Variants in SMARCA5 observed in about 807,000 individuals in gnomAD.
The protein encoded by SMARCA5 is SNF2 related chromatin remodeling ATPase 5.
SMARCA5 carries 18 observed loss-of-function variants against 140.4 expected under a neutral mutation model. The observed-to-expected ratio is 0.13, with a 90% CI of 0.09 to 0.19. The LOEUF (loss-of-function observed/expected upper bound fraction) is 0.19. SMARCA5 is among the 10% of genes least tolerant of loss of function. SMARCA5 has a pLI of 1.00. For missense variants in SMARCA5, 606 were observed against 1,276.8 expected, an observed-to-expected ratio of 0.47 and a Z score of 8.01; for synonymous variants, 449 against 419.6, an observed-to-expected ratio of 1.07 and a Z score of -0.86.
chr4:143,540,871 C>G (rs1019170157), intron 14 of SMARCA5, among the ~76,000 whole-genome samples: 1 of 152,088 alleles, frequency 6.6e-6, no homozygotes, highest in African/African-American at 2.4e-5. Context: ...ACTAACTACT[C>G]TTGATTACTG....
intron 3 of SMARCA5, 34 bp downstream of exon 3, chr4:143,521,629 A>G: frequency 6.5e-7 from 1 of 1,549,500 alleles, no homozygotes; most frequent in Non-Finnish European, 8.8e-7. Context: ...AGTTCAACCA[A>G]ACTTATTTTC....
chr4:143,554,400 T>C lies in SMARCA5; in HGVS notation c.*1216T>C, dbSNP rs1267270606. 2.0e-5 allele frequency: 3 copies of C among 152,210 alleles called. No homozygotes were observed. The highest frequency in any genetic ancestry group is 1.3e-4 in the Admixed American group (2 of 15,282). 9.4% of individuals were successfully genotyped at this position (152,210 alleles called of 1,614,324 possible). On this transcript the variant is annotated 3_prime_UTR_variant, in exon 24 of 24. Coordinates refer to ENST00000283131, the MANE Select transcript of SMARCA5 (RefSeq NM_003601.4). ...GGTCTTTTCTTTCCATTTCTTTAATTGTTTTCTCAATTTTTATTCACTTTT... is the reference window on the plus strand; with the variant it reads ...GGTCTTTTCTTTCCATTTCTTTAATCGTTTTCTCAATTTTTATTCACTTTT...
chr4:143,545,803 A>G, intron 18 of SMARCA5, 122 bp from the exon 19 acceptor site: 1 of 965,614 alleles, frequency 1.0e-6, no homozygotes, highest in East Asian at 2.4e-5. Flanking sequence ...AACATAATAC[A>G]TGCAATGTAT....
intron 1 of SMARCA5, among the ~76,000 whole-genome samples, chr4:143,516,205 ATTTTTTTT>A (rs60061501): frequency 8.0e-6 from 1 of 124,414 alleles, no homozygotes; most frequent in Non-Finnish European, 1.7e-5. Flanking sequence ...GCATTCATGA[ATTTTTTTT>A]TTTTTTTTTT....
chr4:143,514,139 G>C (rs752234397), intron 1 of SMARCA5, 38 bp downstream of exon 1: 64 of 1,481,394 alleles, frequency 4.3e-5, no homozygotes, highest in African/African-American at 5.7e-5. Context: ...GGGTGCAGCG[G>C]GGAGGAGGAG....
At chr4:143,526,861 T>TA (rs913089781) in intron 6 of SMARCA5, among the ~76,000 whole-genome samples, 110 of 145,534 alleles carry the variant, frequency 7.6e-4, no homozygotes, top group Middle Eastern at 3.6e-3. Flanking sequence ...AAGACCATCT[T>TA]AAAAAAAAAA....
chr4:143,514,052 A>T lies in SMARCA5; in HGVS notation c.128A>T (p.Gln43Leu). 1 of 1,559,904 alleles carries T rather than the reference A, an allele frequency of 6.4e-7. No individual in the cohort carries two copies. The highest frequency in any genetic ancestry group is 1.2e-5 in the South Asian group (1 of 86,812). ...NKGGPEGVAA[Q>L]AVASAASAGP... ...GGCGGCCCCGAAGGCGTCGCGGCGCAGGCGGTTGCGTCTGCGGCCAGCGCT... is the reference window on the plus strand; with the variant it reads ...GGCGGCCCCGAAGGCGTCGCGGCGCTGGCGGTTGCGTCTGCGGCCAGCGCT... Residue 43 changes from glutamine to leucine, a missense_variant, in exon 1 of 24, where the codon CAG becomes CTG. This residue lies in a region of SMARCA5 where 164 missense variants were observed against 128.4 expected (regional missense o/e 1.28). Transcript: ENST00000283131.
At chr4:143,526,877 T>C (rs1737085627) in intron 6 of SMARCA5, among the ~76,000 whole-genome samples, 1 of 151,870 alleles carries the variant, frequency 6.6e-6, no homozygotes, top group East Asian at 1.9e-4. Context: ...AAAAAAATCA[T>C]ACTGGGAAGA....
chr4:143,550,462 T>C (rs1737620581), intron 23 of SMARCA5, among the ~76,000 whole-genome samples: 1 of 151,936 alleles, frequency 6.6e-6, no homozygotes, highest in Admixed American at 6.6e-5. Flanking sequence ...GTTTAACTCT[T>C]AGTTATTTTA....
chr4:143,534,813 G>T, intron 9 of SMARCA5, 42 bp from the exon 10 acceptor site: 1 of 1,346,674 alleles, frequency 7.4e-7, no homozygotes, highest in South Asian at 1.3e-5. Flanking sequence ...ATGACCTTAT[G>T]TGTAATATTG....
chr4:143,550,319 T>C (rs963072039), intron 23 of SMARCA5, among the ~76,000 whole-genome samples: 7 of 151,218 alleles, frequency 4.6e-5, no homozygotes, highest in East Asian at 3.9e-4. Context: ...TAATTTTTAA[T>C]TTTTAGTTGT....
chr4:143,550,225 CTTTTTTT>C (rs70953739), intron 23 of SMARCA5, 121 bp downstream of exon 23: 2 of 214,652 alleles, frequency 9.3e-6, no homozygotes, highest in Non-Finnish European at 8.3e-6. Flanking sequence ...ATTGCCTTTA[CTTTTTTT>C]TTTTTTTTTT....
At chr4:143,523,897 A>G (rs1737016183) in intron 3 of SMARCA5, among the ~76,000 whole-genome samples, 1 of 152,166 alleles carries the variant, frequency 6.6e-6, no homozygotes, top group Non-Finnish European at 1.5e-5. Flanking sequence ...TTCTCTTAGG[A>G]TGTAGAATTT....
At chr4:143,521,617 A>G in intron 3 of SMARCA5, 22 bp downstream of exon 3, 2 of 1,574,732 alleles carry the variant, frequency 1.3e-6, no homozygotes, top group Non-Finnish European at 8.6e-7. Context: ...TTTAAACTTC[A>G]TAGTTCAACC....
chr4:143,554,982 C>T lies in SMARCA5; in HGVS notation c.*1798C>T. 2.2e-6 allele frequency: 1 copy of T among 460,450 alleles called. No homozygotes were observed. The highest frequency in any genetic ancestry group is 4.1e-6 in the Non-Finnish European group (1 of 241,682). 28.5% of individuals were successfully genotyped at this position (460,450 alleles called of 1,614,324 possible). On this transcript the variant is annotated 3_prime_UTR_variant, in exon 24 of 24. Transcript: ENST00000283131. ...GCATGAACCAGCTAGGCCCTGCCAC[C>T]ACTGTGTTTGGCCAAGTTCACAAAT...
At chr4:143,519,557 C>G (rs973011967) in intron 2 of SMARCA5, among the ~76,000 whole-genome samples, 1 of 151,920 alleles carries the variant, frequency 6.6e-6, no homozygotes, top group Non-Finnish European at 1.5e-5. Context: ...GAACTCTTTT[C>G]GTTTCTTCCA....
At chr4:143,551,011 T>G (rs993614676) in intron 23 of SMARCA5, among the ~76,000 whole-genome samples, 1 of 152,120 alleles carries the variant, frequency 6.6e-6, no homozygotes, top group East Asian at 1.9e-4. Context: ...ATTGTACTAA[T>G]TTGCGTTCCC....
Position 143,553,165 on chromosome 4 carries a change from A to G in SMARCA5, c.3140A>G (p.Lys1047Arg), listed in dbSNP as rs1388282281. 1.2e-6 allele frequency: 2 copies of G among 1,612,258 alleles called. No individual in the cohort carries two copies. Among genetic ancestry groups the G allele is most frequent in the Non-Finnish European group, 1.7e-6 (2 of 1,178,642 alleles). The change falls in exon 24 of 24, where the codon AAA becomes AGA. Residue 1047 changes from lysine (K) to arginine (R), a missense_variant. Lys to Arg is a conservative substitution (Grantham distance 26, BLOSUM62 2). This residue lies in a region of SMARCA5 where 40 missense variants were observed against 59.8 expected (regional missense o/e 0.67). Transcript: ENST00000283131. Reference sequence around the variant, plus strand: ...GGCGCACCTGATGGTCGAGGAAGAAAAAAGAAGCTGAAACTATGAATATGT... The same window carrying G: ...GGCGCACCTGATGGTCGAGGAAGAAGAAAGAAGCTGAAACTATGAATATGT... ...MDGAPDGRGR[K>R]KKLKL
intron 23 of SMARCA5, among the ~76,000 whole-genome samples, chr4:143,552,526 G>GT (rs1029296778): frequency 2.6e-5 from 4 of 151,984 alleles, no homozygotes; most frequent in African/African-American, 9.7e-5. Flanking sequence ...AATCAGGAAA[G>GT]TATGTCTCGT....
Sources: gnomAD v4.1 joint callset for allele counts (sites outside exome capture counted in the v4.1 genomes callset) on GRCh38, gnomAD v4.1.1 for gene constraint, gnomAD v4.1.1 regional missense constraint, MANE v1.5 for transcripts, NCBI Gene and HGNC (gene_info 2026-07-23, HGNC 2026-07-21) for gene names.